The following GRID2 variants were observed in gnomAD, a reference collection of about 807,000 sequenced individuals.
The protein encoded by GRID2 is glutamate ionotropic receptor delta type subunit 2.
Under a neutral mutation model 114.8 loss-of-function variants are expected in GRID2, and 33 were observed. The ratio of observed to expected loss-of-function variants is 0.29; its 90% CI spans 0.22 to 0.38. The LOEUF is 0.38. Among genes scored for constraint, GRID2 ranks in the 10% least tolerant of loss-of-function variants. The pLI, the probability that GRID2 is intolerant of heterozygous loss-of-function variation, is 1.00. For synonymous variants in GRID2, 505 were observed against 449.9 expected (o/e 1.12, Z -1.55); for missense variants, 1,184 against 1,257.7 (o/e 0.94, Z 0.89).
rs1168042165 is a variant in GRID2, at chr4:92,989,138, G to A, written c.245-95857G>A. On this transcript the variant is annotated intron_variant, in intron 2 of 15. Coordinates refer to ENST00000282020, the MANE Select transcript of GRID2 (RefSeq NM_001510.4). ...TAAAAATACAAAAAATTAGCCGGGT[G>A]TGGTGGCACACGCCTGTAGTCCCAG... Among the ~76,000 whole-genome samples the A allele has an allele frequency of 2.0e-5, 3 of 151,834 alleles. No individual in the cohort carries two copies. The East Asian group carries it at 5.8e-4, about 30-fold the overall frequency.
At chr4:92,795,772 C>T (rs542670899) in intron 2 of GRID2, among the ~76,000 whole-genome samples, 1 of 151,986 alleles carries the variant, frequency 6.6e-6, no homozygotes, top group Non-Finnish European at 1.5e-5. Context: ...TCTTCTGCAT[C>T]TTTTTCCTCA....
intron 1 of GRID2, 71 bp downstream of exon 1, chr4:92,304,815 C>T (rs997786188): frequency 3.7e-6 from 4 of 1,092,770 alleles, no homozygotes; most frequent in Admixed American, 1.7e-5. Flanking sequence ...CCTTCGCTTT[C>T]CCCCTCTCCG....
intron 2 of GRID2, among the ~76,000 whole-genome samples, chr4:92,612,119 A>C (rs898209878): frequency 9.2e-5 from 14 of 151,482 alleles, no homozygotes; most frequent in Non-Finnish European, 1.5e-4. Flanking sequence ...TTTTATATGT[A>C]AGTCTATCCG....
At chr4:92,866,695 C>T (rs957290435) in intron 2 of GRID2, among the ~76,000 whole-genome samples, 23 of 152,018 alleles carry the variant, frequency 1.5e-4, no homozygotes, top group Admixed American at 5.2e-4. Flanking sequence ...AGGCACCCGC[C>T]ACCATGCCCG....
At chr4:92,744,933 G>C (rs1406450083) in intron 2 of GRID2, among the ~76,000 whole-genome samples, 2 of 152,180 alleles carry the variant, frequency 1.3e-5, no homozygotes, top group Admixed American at 6.5e-5. Context: ...ATTTAGCACT[G>C]TTGAGAAATC....
At chr4:92,525,104 T>G (rs1245744356) in intron 1 of GRID2, among the ~76,000 whole-genome samples, 2 of 151,932 alleles carry the variant, frequency 1.3e-5, no homozygotes, top group African/African-American at 4.8e-5. Flanking sequence ...GCTGATCAGT[T>G]GCAGAGAGTG....
chr4:93,766,553 C>G (rs1733693369), intron 14 of GRID2, among the ~76,000 whole-genome samples: 1 of 152,118 alleles, frequency 6.6e-6, no homozygotes, highest in African/African-American at 2.4e-5. Flanking sequence ...AGGCTACTGA[C>G]CAATATGGTG....
intron 2 of GRID2, among the ~76,000 whole-genome samples, chr4:92,675,779 C>T (rs967846138): frequency 1.3e-5 from 2 of 152,008 alleles, no homozygotes; most frequent in African/African-American, 4.8e-5. Context: ...TGGTTTCGAT[C>T]TCCTGAACTC....
intron 2 of GRID2, among the ~76,000 whole-genome samples, chr4:92,869,450 A>C (rs985009593): frequency 3.9e-5 from 6 of 152,202 alleles, no homozygotes; most frequent in African/African-American, 1.4e-4. Context: ...AAATAACCAA[A>C]GCAACTGGTA....
At chr4:93,694,223 C>T (rs17021010) in intron 14 of GRID2, among the ~76,000 whole-genome samples, 6,253 of 152,210 alleles carry the variant, frequency 0.041, 198 homozygotes, top group African/African-American at 0.081. Context: ...ATCCTGCTCT[C>T]CCAAACACTG....
chr4:93,590,062 AT>A (rs1161802463), intron 13 of GRID2, among the ~76,000 whole-genome samples: 2 of 150,176 alleles, frequency 1.3e-5, no homozygotes, highest in African/African-American at 2.4e-5. Context: ...GTTTAATTAG[AT>A]CCCATTTGTC....
At chr4:93,368,471 T>C (rs1346409940) in intron 8 of GRID2, among the ~76,000 whole-genome samples, 1 of 152,136 alleles carries the variant, frequency 6.6e-6, no homozygotes, top group Non-Finnish European at 1.5e-5. Context: ...GTTACATATG[T>C]ATACATGTGC....
intron 1 of GRID2, among the ~76,000 whole-genome samples, chr4:92,431,313 A>G (rs988298766): frequency 5.9e-5 from 9 of 152,134 alleles, no homozygotes; most frequent in Non-Finnish European, 8.8e-5. Flanking sequence ...TTTGTCATGA[A>G]GGGATGTTGA....
At chr4:93,511,590 A>G (rs548561941) in intron 12 of GRID2, among the ~76,000 whole-genome samples, 4 of 152,156 alleles carry the variant, frequency 2.6e-5, no homozygotes, top group Admixed American at 6.6e-5. Flanking sequence ...TACTGTGTGC[A>G]TGAGTAAGAC....
intron 1 of GRID2, among the ~76,000 whole-genome samples, chr4:92,481,579 C>T (rs959734100): frequency 6.6e-6 from 1 of 151,972 alleles, no homozygotes; most frequent in Non-Finnish European, 1.5e-5. Context: ...TGTTTTTGTA[C>T]TAGCATCATA....
Position 92,486,089 on chromosome 4 carries a change from A to G in GRID2, c.89-104042A>G, listed in dbSNP as rs941200922. Among the ~76,000 whole-genome samples, 37 of 152,060 alleles carry G rather than the reference A, an allele frequency of 2.4e-4. 1 individual carries two copies. The highest frequency in any genetic ancestry group is 7.9e-4 in the African/African-American group (33 of 41,552). On this transcript the variant is annotated intron_variant, in intron 1 of 15. Coordinates refer to ENST00000282020, the MANE Select transcript of GRID2 (RefSeq NM_001510.4). ...ATTTGTAAACTTGAATCTCTAAAAC[A>G]TAAAGTGGCCAATTCAACATTCCAG...
At chr4:92,628,379 C>T (rs62307951) in intron 2 of GRID2, among the ~76,000 whole-genome samples, 8,460 of 152,052 alleles carry the variant, frequency 0.056, 297 homozygotes, top group East Asian at 0.16. Flanking sequence ...TTGTTTTGTT[C>T]TGTTCTGTTT....
At chr4:92,361,429 T>C (rs1311487091) in intron 1 of GRID2, among the ~76,000 whole-genome samples, 1 of 151,980 alleles carries the variant, frequency 6.6e-6, no homozygotes, top group Non-Finnish European at 1.5e-5. Flanking sequence ...AAATTGTATA[T>C]CAGAACAAAA....
At chr4:93,598,185 C>T (rs1461297027) in intron 13 of GRID2, among the ~76,000 whole-genome samples, 1 of 152,162 alleles carries the variant, frequency 6.6e-6, no homozygotes, top group Non-Finnish European at 1.5e-5. Context: ...ACATTTCACA[C>T]CCGGGCGGTC....
Sources: gnomAD v4.1 joint callset for allele counts (sites outside exome capture counted in the v4.1 genomes callset) on GRCh38, gnomAD v4.1.1 for gene constraint, MANE v1.5 for transcripts, NCBI Gene and HGNC (gene_info 2026-07-23, HGNC 2026-07-21) for gene names.